Variants in RGPD8 observed in about 807,000 individuals in gnomAD.
The protein encoded by RGPD8 is RANBP2 like and GRIP domain containing 8, also known as RANBP2-like and GRIP domain-containing protein 8.
Under a neutral mutation model 89.1 loss-of-function variants are expected in RGPD8, and 15 were observed. The ratio of observed to expected loss-of-function variants is 0.17; its 90% confidence interval spans 0.11 to 0.26. RGPD8 has a LOEUF of 0.26. Ranked by LOEUF, RGPD8 falls within the 10% of genes least tolerant of loss-of-function variation. The pLI, the probability that RGPD8 is intolerant of heterozygous loss-of-function variation, is 1.00. For synonymous variants in RGPD8, 62 were observed against 420.9 expected, an observed-to-expected ratio of 0.15 and a Z score of 10.44; for missense variants, 178 against 1,179.6, an observed-to-expected ratio of 0.15 and a Z score of 12.44.
At chr2:112,428,751 C>A (rs1415455618) in intron 1 of RGPD8, among the ~76,000 whole-genome samples, 1 of 152,206 alleles carries the variant, frequency 6.6e-6, no homozygotes, top group Non-Finnish European at 1.5e-5. Flanking sequence ...GATTATGTGA[C>A]CAGTTTGACC....
chr2:112,415,246 G>T (rs528215621), intron 6 of RGPD8, among the ~76,000 whole-genome samples: 2 of 152,288 alleles, frequency 1.3e-5, no homozygotes, highest in Non-Finnish European at 1.5e-5. Flanking sequence ...TTAGCCGAGC[G>T]TGGTGGTGGG....
chr2:112,429,338 C>A (rs1389236320), intron 1 of RGPD8, among the ~76,000 whole-genome samples: 1 of 140,870 alleles, frequency 7.1e-6, no homozygotes, highest in Non-Finnish European at 1.5e-5. Flanking sequence ...ATGGCGTGAA[C>A]CCCGGAGGCA....
At chr2:112,433,361 C>T in intron 1 of RGPD8, 21 bp downstream of exon 1, 3 of 1,604,316 alleles carry the variant, frequency 1.9e-6, no homozygotes, top group Non-Finnish European at 2.5e-6. Flanking sequence ...GAGGCCGCCG[C>T]TCTCTTCCAG....
chr2:112,433,584 G>A lies in RGPD8; in HGVS notation c.-131C>T, dbSNP rs946664181. On this transcript the variant is annotated 5_prime_UTR_variant, in exon 1 of 23. Coordinates refer to ENST00000302558, the MANE Select transcript of RGPD8 (RefSeq NM_001164463.1). The stretch of plus-strand genomic sequence containing the variant: ...AGCCGGCGGAGGCCCACTGTGACGA[G>A]CGTGCGGCGCCGCCCACGGAGGCCC... 7.1e-6 allele frequency: 7 copies of A among 979,982 alleles called. No individual in the cohort carries two copies. The African/African-American group carries it at 8.4e-5, about 12-fold the overall frequency. The allele number at this position is 979,982 out of a possible 1,614,324, so 60.7% of individuals were successfully genotyped here.
intron 1 of RGPD8, among the ~76,000 whole-genome samples, chr2:112,432,980 T>G (rs1173382000): frequency 4.4e-5 from 4 of 91,206 alleles, no homozygotes; most frequent in African/African-American, 6.8e-5. Context: ...GGCCGCCGCC[T>G]CAACAGAGCG....
At chr2:112,427,765 T>G (rs1679837208) in intron 1 of RGPD8, among the ~76,000 whole-genome samples, 1 of 152,036 alleles carries the variant, frequency 6.6e-6, no homozygotes, top group South Asian at 2.1e-4. Context: ...AACAAACCCA[T>G]CTGATCAGCT....
intron 19 of RGPD8, among the ~76,000 whole-genome samples, chr2:112,390,515 C>A (rs1258733453): frequency 6.9e-6 from 1 of 144,732 alleles, no homozygotes; most frequent in Non-Finnish European, 1.5e-5. Flanking sequence ...GCAACTGATG[C>A]ACTGAGAGGT....
chr2:112,404,867 G>GAA (rs1227179322), intron 8 of RGPD8, among the ~76,000 whole-genome samples: 26 of 77,762 alleles, frequency 3.3e-4, no homozygotes, highest in South Asian at 9.7e-4. Flanking sequence ...ACTGTCTCAG[G>GAA]AAAAAAAAAA....
intron 21 of RGPD8, among the ~76,000 whole-genome samples, 183 bp downstream of exon 21, chr2:112,380,641 A>G (rs1203845283): frequency 1.6e-5 from 2 of 128,062 alleles, no homozygotes; most frequent in African/African-American, 2.8e-5. Flanking sequence ...TGACAGAGCA[A>G]GACTGTCTCA....
At position 112,390,118 on chromosome 2, in the gene RGPD8, C is replaced by T; in HGVS notation, c.2827G>A (p.Asp943Asn). ...ATATCCTGAGCCTGTAAGCCAGTAT[C>T]ATTTTCAAGAGGCTTTTCCCTTTTC... Reference protein sequence around the residue: ...EKKREKPLENDTGLQAQDIRG... With the variant: ...EKKREKPLENNTGLQAQDIRG... Residue 943 changes from aspartate (D) to asparagine (N), a missense_variant, in exon 20 of 23, where the codon GAT (aspartate) becomes AAT (asparagine). Transcript: ENST00000302558. 6.2e-7 allele frequency: 1 copy of T among 1,604,220 alleles called. No individual in the cohort carries two copies.
At chr2:112,404,268 C>T in intron 8 of RGPD8, 93 bp from the exon 9 acceptor site, 3 of 294,798 alleles carry the variant, frequency 1.0e-5, no homozygotes, top group South Asian at 8.0e-5. Context: ...GGGGAAATAA[C>T]ATGATTATTG....
intron 1 of RGPD8, 124 bp downstream of exon 1, chr2:112,433,258 G>C (rs1354422443): frequency 1.0e-6 from 1 of 974,250 alleles, no homozygotes; most frequent in Non-Finnish European, 1.4e-6. Flanking sequence ...TCAACAGAGC[G>C]CGCCAGGGAG....
chr2:112,427,135 A>G (rs529154865), intron 1 of RGPD8, among the ~76,000 whole-genome samples: 12 of 152,198 alleles, frequency 7.9e-5, no homozygotes, highest in African/African-American at 2.9e-4. Context: ...TTCAAGGTAC[A>G]ATGCCAAAAC....
chr2:112,429,371 G>A lies in RGPD8; in HGVS notation c.72+4011C>T, dbSNP rs1281558227. Among the ~76,000 whole-genome samples, 15 of 131,796 alleles carry A rather than the reference G, an allele frequency of 1.1e-4. No individual in the cohort carries two copies. In the South Asian group the frequency reaches 2.0e-3, roughly 18 times the overall value. The allele number at this position is 131,796 out of a possible 152,430, so 86.5% of individuals were successfully genotyped here. On this transcript the variant is annotated intron_variant, in intron 1 of 22. Transcript: ENST00000302558. ...GCAGAGTTTGCAGTGAGCCGAGATC[G>A]CGACACTGCACTCCAGCCTGGACGA...
intron 1 of RGPD8, 99 bp downstream of exon 1, chr2:112,433,283 A>G: frequency 7.7e-7 from 1 of 1,295,514 alleles, no homozygotes; most frequent in Non-Finnish European, 1.0e-6. Context: ...GCCCGTCGGG[A>G]GCCATGACCC....
At chr2:112,416,088 C>CAAAAAAAAAAAAAAAAAAA (rs1168507298) in intron 6 of RGPD8, among the ~76,000 whole-genome samples, 160 of 88,918 alleles carry the variant, frequency 1.8e-3, no homozygotes, top group African/African-American at 2.7e-3. Flanking sequence ...GACTCCATCT[C>CAAAAAAAAAAAAAAAAAAA]AAAAAAAAAA....
intron 1 of RGPD8, among the ~76,000 whole-genome samples, chr2:112,432,828 A>C (rs951108789): frequency 6.6e-6 from 1 of 152,224 alleles, no homozygotes; most frequent in African/African-American, 2.4e-5. Flanking sequence ...CGGTCCCCCC[A>C]GGACTCTTCC....
At chr2:112,373,497 C>CATTA (rs1678023643) in intron 22 of RGPD8, among the ~76,000 whole-genome samples, 1 of 152,272 alleles carries the variant, frequency 6.6e-6, no homozygotes, top group Admixed American at 6.5e-5. Flanking sequence ...AACTATTCCT[C>CATTA]ATTAACTCAC....
At chr2:112,402,434 C>G (rs1312028890) in intron 9 of RGPD8, among the ~76,000 whole-genome samples, 1 of 149,810 alleles carries the variant, frequency 6.7e-6, no homozygotes, top group Non-Finnish European at 1.5e-5. Flanking sequence ...TTGAACCTGG[C>G]AGCCGAGATT....
Sources: allele counts gnomAD v4.1 joint callset (sites outside exome capture counted in the v4.1 genomes callset), GRCh38; gene constraint gnomAD v4.1.1; transcripts MANE v1.5; gene names NCBI Gene and HGNC (gene_info 2026-07-23, HGNC 2026-07-21).